C14orf39: variants seen among roughly 807,000 people sequenced by gnomAD.
C14orf39 encodes the protein chromosome 14 open reading frame 39.
A neutral mutation model predicts 85.6 loss-of-function variants in C14orf39; 66 were observed. The observed-to-expected ratio is 0.77, with a 90% confidence interval of 0.63 to 0.95. C14orf39 has a LOEUF of 0.95. Among genes scored for constraint, C14orf39 ranks in the 40% least tolerant of loss-of-function variants. The pLI, the probability that C14orf39 is intolerant of heterozygous loss-of-function variation, is 0.00. For missense variants in C14orf39, 735 were observed against 663.9 expected, an observed-to-expected ratio of 1.11 and a Z score of -1.18; for synonymous variants, 242 against 214.0, an observed-to-expected ratio of 1.13 and a Z score of -1.14.
chr14:60,467,978 C>T (rs1430226806), intron 9 of C14orf39, among the ~76,000 whole-genome samples: 1 of 150,662 alleles, frequency 6.6e-6, no homozygotes, highest in Non-Finnish European at 1.5e-5. Context: ...TCTATTTTAT[C>T]GCCATTAAAA....
chr14:60,453,398 C>A (rs1891126040), intron 16 of C14orf39, among the ~76,000 whole-genome samples: 1 of 151,680 alleles, frequency 6.6e-6, no homozygotes, highest in African/African-American at 2.4e-5. Flanking sequence ...TTTCATGATA[C>A]ATCATTTTCC....
intron 16 of C14orf39, among the ~76,000 whole-genome samples, chr14:60,442,540 A>T (rs902845524): frequency 2.6e-5 from 4 of 151,988 alleles, no homozygotes; most frequent in East Asian, 1.9e-4. Flanking sequence ...ACAGGCTTTT[A>T]AAAAAAATGA....
chr14:60,473,318 GAGT>G, intron 5 of C14orf39, among the ~76,000 whole-genome samples: 1 of 152,282 alleles, frequency 6.6e-6, no homozygotes, highest in African/African-American at 2.4e-5. Context: ...TTTCTCAGAT[GAGT>G]AGATTGCAAA....
intron 5 of C14orf39, among the ~76,000 whole-genome samples, chr14:60,476,255 C>T (rs1201724076): frequency 6.6e-6 from 1 of 152,258 alleles, no homozygotes; most frequent in African/African-American, 2.4e-5. Flanking sequence ...GATGACTATG[C>T]CACATCCACC....
chr14:60,462,350 C>G (rs950137468), intron 11 of C14orf39, among the ~76,000 whole-genome samples: 1 of 152,154 alleles, frequency 6.6e-6, no homozygotes, highest in African/African-American at 2.4e-5. Flanking sequence ...GATCGCGCCA[C>G]TACACTCCAA....
At chr14:60,461,219 T>C in intron 13 of C14orf39, 135 bp downstream of exon 13, 1 of 631,948 alleles carries the variant, frequency 1.6e-6, no homozygotes, top group Middle Eastern at 3.9e-4. Flanking sequence ...TTAGGGAAGA[T>C]GTATTTTAAA....
intron 13 of C14orf39, among the ~76,000 whole-genome samples, chr14:60,459,521 A>G (rs538624909): frequency 7.2e-5 from 11 of 151,848 alleles, no homozygotes; most frequent in African/African-American, 2.6e-4. Flanking sequence ...GAAATCATTC[A>G]TTATCACCAG....
Position 60,468,508 on chromosome 14 carries a change from G to A in C14orf39, c.704C>T (p.Ala235Val), listed in dbSNP as rs1172307115. ...CTTTTCTTCCAGAGTTTCTGAAAGA[G>A]CCTTAGTTTCATTATGCCTAGATAT... ...QQISRHNETKALSETLEEKNK... is the reference protein window; with the variant it reads ...QQISRHNETKVLSETLEEKNK... Residue 235 changes from alanine (A) to valine (V), a missense_variant, in exon 9 of 18, where the codon GCT (alanine) becomes GTT (valine). By Grantham distance (64) the Ala-to-Val change is moderately conservative. Transcript: ENST00000321731. 5.7e-6 allele frequency: 9 copies of A among 1,592,896 alleles called. No homozygotes were observed. Among genetic ancestry groups the A allele is most frequent in the Non-Finnish European group, 7.7e-6 (9 of 1,168,586 alleles).
chr14:60,496,831 C>T (rs1893076064), intron 2 of C14orf39: 1 of 152,800 alleles, frequency 6.5e-6, no homozygotes, highest in South Asian at 2.1e-4. Context: ...TACTGCTCAC[C>T]CTGGCCCTTC....
chr14:60,495,070 TG>T, intron 2 of C14orf39: 2 of 231,776 alleles, frequency 8.6e-6, no homozygotes, highest in Non-Finnish European at 1.8e-5. Context: ...TGTGTTGGAC[TG>T]GTGAACCCCA....
chr14:60,473,841 C>T (rs1024808487), intron 5 of C14orf39, among the ~76,000 whole-genome samples: 1 of 152,106 alleles, frequency 6.6e-6, no homozygotes, highest in East Asian at 1.9e-4. Context: ...TAGTGTGATG[C>T]CTCCAGCTTT....
At chr14:60,507,066 G>T (rs1893213030) in intron 1 of C14orf39, among the ~76,000 whole-genome samples, 1 of 152,180 alleles carries the variant, frequency 6.6e-6, no homozygotes, top group South Asian at 2.1e-4. Context: ...GCTGGGATCG[G>T]GGTCGGCTCT....
chr14:60,475,677 G>A (rs967300034), intron 5 of C14orf39, among the ~76,000 whole-genome samples: 2 of 151,998 alleles, frequency 1.3e-5, no homozygotes, highest in Non-Finnish European at 2.9e-5. Flanking sequence ...GGCCCACAAA[G>A]GTTAAAATAT....
In C14orf39 at chr14:60,483,737, C is replaced by A; in HGVS notation, c.187G>T (p.Asp63Tyr). The part of the protein sequence containing the change: ...ETINATDEEI[D>Y]HYCKHSEEIK... ...TCCTCACTATGTTTACAGTAATGATCAATTTCCTCATCTGTTGCATTTATA... is the reference window on the plus strand; with the variant it reads ...TCCTCACTATGTTTACAGTAATGATAAATTTCCTCATCTGTTGCATTTATA... The change falls in exon 4 of 18, where the codon GAT (aspartate) becomes TAT (tyrosine). Residue 63 changes from aspartate to tyrosine, a missense_variant. Transcript: ENST00000321731. 1 of 1,596,314 alleles carries A rather than the reference C, an allele frequency of 6.3e-7. No homozygotes were observed. The highest frequency in any genetic ancestry group is 8.6e-7 in the Non-Finnish European group (1 of 1,166,376).
chr14:60,505,676 G>A (rs946357085), intron 1 of C14orf39, among the ~76,000 whole-genome samples: 1 of 152,066 alleles, frequency 6.6e-6, no homozygotes, highest in African/African-American at 2.4e-5. Flanking sequence ...TTCAATTACC[G>A]CATTCTTAAA....
At chr14:60,471,353 CAATT>C (rs1892067150) in intron 7 of C14orf39, 60 bp downstream of exon 7, 3 of 1,209,438 alleles carry the variant, frequency 2.5e-6, no homozygotes, top group Non-Finnish European at 3.5e-6. Flanking sequence ...AACACAGTAA[CAATT>C]AAAATACAAA....
intron 1 of C14orf39, chr14:60,509,606 C>T: frequency 6.2e-7 from 1 of 1,613,618 alleles, no homozygotes; most frequent in Non-Finnish European, 8.5e-7. Flanking sequence ...CTACCGCGAG[C>T]TCTATCATAT....
At position 60,485,098 on chromosome 14, in the gene C14orf39, GA is replaced by G. The variant is rs202173484; in HGVS notation, c.-8-13del. 1,795 of 1,513,602 alleles carry G rather than the reference GA, an allele frequency of 1.2e-3. 2 individuals are homozygous for G. The highest frequency in any genetic ancestry group is 3.5e-3 in the Middle Eastern group (19 of 5,402). 93.8% of individuals were successfully genotyped at this position (1,513,602 alleles called of 1,614,324 possible). On this transcript the variant is annotated splice_polypyrimidine_tract_variant and intron_variant, in intron 1 of 17. Coordinates refer to ENST00000321731, the MANE Select transcript of C14orf39 (RefSeq NM_174978.3). ...ATTCATCTTGGATACTATGTTAAAT[GA>G]AAAAAAAAATTATAAGATTTTCTGA...
At chr14:60,451,201 G>C (rs1891018058) in intron 16 of C14orf39, among the ~76,000 whole-genome samples, 1 of 152,186 alleles carries the variant, frequency 6.6e-6, no homozygotes, top group African/African-American at 2.4e-5. Flanking sequence ...AGGTGCTGGA[G>C]AGGATGTGGA....
Sources: allele counts gnomAD v4.1 joint callset (sites outside exome capture counted in the v4.1 genomes callset), GRCh38; gene constraint gnomAD v4.1.1; transcripts MANE v1.5; gene names NCBI Gene and HGNC (gene_info 2026-07-23, HGNC 2026-07-21).